GPR82: variants seen among roughly 807,000 people sequenced by gnomAD.
GPR82 encodes probable G protein-coupled receptor 82.
Under a neutral mutation model 12.9 loss-of-function variants are expected in GPR82, and 6 were observed. The observed-to-expected ratio is 0.46, with a 90% CI of 0.25 to 0.92. GPR82 has a LOEUF of 0.92. Among genes scored for constraint, GPR82 ranks in the 40% least tolerant of loss-of-function variants. GPR82 has a pLI of 0.16. For missense variants in GPR82, 241 were observed against 245.5 expected (o/e 0.98, Z 0.12); for synonymous variants, 90 against 87.6 (o/e 1.03, Z -0.15).
At chrX:41,726,953 A>G in intron 2 of GPR82, 40 bp from the exon 3 acceptor site, 1 of 576,419 alleles carries the variant, frequency 1.7e-6, no homozygotes, top group Non-Finnish European at 2.6e-6. Flanking sequence ...TACTGTACCA[A>G]AAATAATTTT....
chrX:41,729,749 CAAAAAAAAAAAAAAAA>C lies in GPR82; in HGVS notation c.*1730_*1745del, dbSNP rs1162361118. 7.1e-5 allele frequency: 1 copy of C among 14,112 alleles called. No homozygotes were observed. Among genetic ancestry groups the C allele is most frequent in the Non-Finnish European group, 1.2e-4 (1 of 8,422 alleles). The allele number at this position is 14,112 out of a possible 1,213,427, so 1.2% of individuals were successfully genotyped here. A position where few individuals can be genotyped will look rare whatever the true frequency, so the allele number is the denominator to read the frequency against. On this transcript the variant is annotated 3_prime_UTR_variant, in exon 3 of 3. Transcript: ENST00000302548. ...TGGGCGACAGAGTGAGACTCTGTCT[CAAAAAAAAAAAAAAAA>C]AAAAAAAAAAAAAAAAATATATATA...
rs779995773 is a variant in GPR82 at position 41,728,778 on chromosome X, A to G, written c.*741A>G. 2.2e-4 allele frequency: 27 copies of G among 123,752 alleles called. No individual in the cohort carries two copies. Among genetic ancestry groups the G allele is most frequent in the African/African-American group, 8.7e-4 (27 of 31,032 alleles). The allele number at this position is 123,752 out of a possible 1,213,427, so 10.2% of individuals were successfully genotyped here. On this transcript the variant is annotated 3_prime_UTR_variant, in exon 3 of 3. Coordinates refer to ENST00000302548, the MANE Select transcript of GPR82 (RefSeq NM_080817.5). Reference sequence around the variant, plus strand: ...CAAAAAAATAAAAATAAGTAAAAAAATAAATAAGAAATATCCTCATTCACA... The same window carrying G: ...CAAAAAAATAAAAATAAGTAAAAAAGTAAATAAGAAATATCCTCATTCACA...
At position 41,726,788 on chromosome X, in the gene GPR82, A is replaced by C. The variant is rs1474065223; in HGVS notation, c.-90A>C. The C allele has an allele frequency of 3.8e-6, 1 of 261,206 alleles. No homozygotes were observed. The highest frequency in any genetic ancestry group is 6.7e-6 in the Non-Finnish European group (1 of 148,912). 21.5% of individuals were successfully genotyped at this position (261,206 alleles called of 1,213,427 possible). A position where few individuals can be genotyped will look rare whatever the true frequency, so the allele number is the denominator to read the frequency against. On this transcript the variant is annotated 5_prime_UTR_variant, in exon 2 of 3. Transcript: ENST00000302548. ...TGTTTTTCAGACAAAGGCATTATCC[A>C]TCACAATAAGTAACTTTTTGTCTTT...
At position 41,728,611 on chromosome X, in the gene GPR82, G is replaced by A. The variant is rs1329939575; in HGVS notation, c.*574G>A. On this transcript the variant is annotated 3_prime_UTR_variant, in exon 3 of 3. Coordinates refer to ENST00000302548, the MANE Select transcript of GPR82 (RefSeq NM_080817.5). ...ATACAAAAATCAGCTGGACATGGTG[G>A]TGGGCGCCTGTAATCCCAGCTACTC... The A allele has an allele frequency of 8.2e-6, 1 of 121,458 alleles. No individual in the cohort carries two copies. Among genetic ancestry groups the A allele is most frequent in the Non-Finnish European group, 1.9e-5 (1 of 53,232 alleles). The allele number at this position is 121,458 out of a possible 1,213,427, so 10.0% of individuals were successfully genotyped here.
Position 41,727,397 on chromosome X carries a change from A to C in GPR82, c.371A>C (p.Lys124Thr). The C allele has an allele frequency of 8.3e-7, 1 of 1,211,270 alleles. No homozygotes were observed. The change falls in exon 3 of 3, where the codon AAG (lysine) becomes ACG (threonine). Residue 124 changes from lysine (K) to threonine (T), a missense_variant. By Grantham distance (78) the Lys-to-Thr change is moderately conservative. Coordinates refer to ENST00000302548, the MANE Select transcript of GPR82 (RefSeq NM_080817.5). The stretch of plus-strand genomic sequence containing the variant: ...AGCCGCTATGCTACCTTAATGCAAA[A>C]GGATTCCTCGCAAGAGACTACTTCA... ...AISRYATLMQ[K>T]DSSQETTSCY...
In GPR82 at chrX:41,727,492, T is replaced by C; in HGVS notation, c.466T>C (p.Cys156Arg). Residue 156 changes from cysteine (C) to arginine (R), a missense_variant, in exon 3 of 3, where the codon TGC (cysteine) becomes CGC (arginine). Transcript: ENST00000302548. ...CCAGCCCAACTTTGCTAGAAAACTATGCATTTACATATGGGGAGTTGTACT... is the reference window on the plus strand; with the variant it reads ...CCAGCCCAACTTTGCTAGAAAACTACGCATTTACATATGGGGAGTTGTACT... ...FRQPNFARKL[C>R]IYIWGVVLGI... The C allele has an allele frequency of 2.3e-5, 28 of 1,209,209 alleles. No individual in the cohort carries two copies. The highest frequency in any genetic ancestry group is 3.1e-5 in the Non-Finnish European group (28 of 893,170).
rs1437282298 is a variant in GPR82, at chrX:41,727,889, T to C, written c.863T>C (p.Ile288Thr). Residue 288 changes from isoleucine (I) to threonine (T), a missense_variant, in exon 3 of 3, where the codon ATA (isoleucine) becomes ACA (threonine). Coordinates refer to ENST00000302548, the MANE Select transcript of GPR82 (RefSeq NM_080817.5). ...RDNCQQLNYL[I>T]ETKNILTCLA... ...AACTGTCAGCAATTGAATTATTTAA[T>C]AGAAACAAAAAACATTCTCACCTGT... is the stretch of plus-strand genomic sequence containing the variant. 3.3e-6 allele frequency: 4 copies of C among 1,204,316 alleles called. No homozygotes were observed. The highest frequency in any genetic ancestry group is 4.5e-6 in the Non-Finnish European group (4 of 890,234).
In GPR82 at chrX:41,727,466, G is replaced by C; in HGVS notation, c.440G>C (p.Arg147Pro). 8.3e-7 allele frequency: 1 copy of C among 1,208,713 alleles called. No individual in the cohort carries two copies. Among genetic ancestry groups the C allele is most frequent in the Non-Finnish European group, 1.1e-6 (1 of 892,901 alleles). Reference sequence around the variant, plus strand: ...TATGGCCATTTACTGAAAAAATTTCGCCAGCCCAACTTTGCTAGAAAACTA... The same window carrying C: ...TATGGCCATTTACTGAAAAAATTTCCCCAGCCCAACTTTGCTAGAAAACTA... ...IFYGHLLKKF[R>P]QPNFARKLCI... is the part of the protein sequence containing the mutation. Residue 147 changes from arginine (R) to proline (P), a missense_variant, in exon 3 of 3, where the codon CGC becomes CCC. Coordinates refer to ENST00000302548, the MANE Select transcript of GPR82 (RefSeq NM_080817.5).
Position 41,729,694 on chromosome X carries a change from G to A in GPR82, c.*1657G>A, listed in dbSNP as rs1171055355. 1.2e-5 allele frequency: 1 copy of A among 86,685 alleles called. No individual in the cohort carries two copies. Among genetic ancestry groups the A allele is most frequent in the Non-Finnish European group, 2.2e-5 (1 of 46,314 alleles). 7.1% of individuals were successfully genotyped at this position (86,685 alleles called of 1,213,427 possible). On this transcript the variant is annotated 3_prime_UTR_variant, in exon 3 of 3. Coordinates refer to ENST00000302548, the MANE Select transcript of GPR82 (RefSeq NM_080817.5). ...GAACTCAGGAGGCGGAGGTTGCAGTGAGCCAAGATCATGCCATTGCACTCC... is the reference window on the plus strand; with the variant it reads ...GAACTCAGGAGGCGGAGGTTGCAGTAAGCCAAGATCATGCCATTGCACTCC...
intron 1 of GPR82, among the ~76,000 whole-genome samples, chrX:41,725,850 G>GT (rs1015376166): frequency 1.1e-4 from 12 of 110,555 alleles, no homozygotes; most frequent in Admixed American, 2.9e-4. Context: ...AGCAGCTACA[G>GT]TTTTTTTTTG....
In GPR82 at chrX:41,729,848, C is replaced by G. The variant is rs190542021; in HGVS notation, c.*1811C>G. On this transcript the variant is annotated 3_prime_UTR_variant, in exon 3 of 3. Coordinates refer to ENST00000302548, the MANE Select transcript of GPR82 (RefSeq NM_080817.5). ...TATGTGCATAGTTAAGTAAATCACC[C>G]CAATTTTTTCTAATATTTAAGTGAA... 1 of 101,309 alleles carries G rather than the reference C, an allele frequency of 9.9e-6. No homozygotes were observed. Among genetic ancestry groups the G allele is most frequent in the East Asian group, 3.7e-4 (1 of 2,688 alleles). The allele number at this position is 101,309 out of a possible 1,213,427, so 8.3% of individuals were successfully genotyped here. A position where few individuals can be genotyped will look rare whatever the true frequency, so the allele number is the denominator to read the frequency against.
chrX:41,724,453 T>C, intron 1 of GPR82, among the ~76,000 whole-genome samples, 164 bp downstream of exon 1: 1 of 112,653 alleles, frequency 8.9e-6, no homozygotes, highest in Non-Finnish European at 1.9e-5. Context: ...TAGAACTTTT[T>C]TCATTTGTCA....
At position 41,727,185 on chromosome X, in the gene GPR82, C is replaced by T. The variant is rs770008035; in HGVS notation, c.159C>T (p.Tyr53=). 1 of 1,205,419 alleles carries T rather than the reference C, an allele frequency of 8.3e-7. No individual in the cohort carries two copies. Among genetic ancestry groups the T allele is most frequent in the Non-Finnish European group, 1.1e-6 (1 of 889,947 alleles). The change falls in exon 3 of 3, where the codon TAC becomes TAT. Residue 53 remains tyrosine (Y), a synonymous_variant. Coordinates refer to ENST00000302548, the MANE Select transcript of GPR82 (RefSeq NM_080817.5). ...GTAAAAAAACATCAACGCACATCTA[C>T]CTGTCACACCTTGTGACTGCAAACT... The part of the protein sequence containing the change: ...KIGKKTSTHI[Y]LSHLVTANLL...
In GPR82 at chrX:41,728,021, T is replaced by C. The variant is rs1236674721; in HGVS notation, c.995T>C (p.Met332Thr). The part of the protein sequence containing the change: ...NLFTKSNSAH[M>T]QSYG ...TTTACAAAGTCTAATTCAGCACATATGCAATCATATGGTTGACTTTTGAAT... is the reference window on the plus strand; with the variant it reads ...TTTACAAAGTCTAATTCAGCACATACGCAATCATATGGTTGACTTTTGAAT... Residue 332 changes from methionine (M) to threonine (T), a missense_variant, in exon 3 of 3, where the codon ATG becomes ACG. By Grantham distance (81) the Met-to-Thr change is moderately conservative. Coordinates refer to ENST00000302548, the MANE Select transcript of GPR82 (RefSeq NM_080817.5). 3 of 1,105,664 alleles carry C rather than the reference T, an allele frequency of 2.7e-6. No individual in the cohort carries two copies. Among genetic ancestry groups the C allele is most frequent in the South Asian group, 2.2e-5 (1 of 45,168 alleles). The allele number at this position is 1,105,664 out of a possible 1,213,427, so 91.1% of individuals were successfully genotyped here. A position where few individuals can be genotyped will look rare whatever the true frequency, so the allele number is the denominator to read the frequency against.
At chrX:41,724,980 A>C (rs1175413531) in intron 1 of GPR82, among the ~76,000 whole-genome samples, 1 of 112,147 alleles carries the variant, frequency 8.9e-6, no homozygotes, top group African/African-American at 3.2e-5. Context: ...AAACTGGCTC[A>C]TTTCACTGTC....
At chrX:41,724,804 A>G (rs1238876606) in intron 1 of GPR82, among the ~76,000 whole-genome samples, 1 of 111,876 alleles carries the variant, frequency 8.9e-6, no homozygotes, top group Non-Finnish European at 1.9e-5. Context: ...GTTTGGAAGC[A>G]TTTAATATTC....
In GPR82 at chrX:41,728,903, A is replaced by G. The variant is rs1475142667; in HGVS notation, c.*866A>G. The G allele has an allele frequency of 8.1e-6, 1 of 123,588 alleles. No individual in the cohort carries two copies. Among genetic ancestry groups the G allele is most frequent in the Non-Finnish European group, 1.9e-5 (1 of 53,341 alleles). 10.2% of individuals were successfully genotyped at this position (123,588 alleles called of 1,213,427 possible). On this transcript the variant is annotated 3_prime_UTR_variant, in exon 3 of 3. Transcript: ENST00000302548. ...CTGGCTCATGTTATTGGGGAGAAGCAATATTCATTGACTATATTTTTAAAG... is the reference window on the plus strand; with the variant it reads ...CTGGCTCATGTTATTGGGGAGAAGCGATATTCATTGACTATATTTTTAAAG...
rs1252758363 is a variant in GPR82, at chrX:41,727,869, T to TCA, written c.844_845dup (p.Gln282HisfsTer4). 8.3e-7 allele frequency: 1 copy of TCA among 1,201,911 alleles called. No homozygotes were observed. The highest frequency in any genetic ancestry group is 3.0e-5 in the East Asian group (1 of 33,792). On this transcript the variant is annotated frameshift_variant, in exon 3 of 3. Coordinates refer to ENST00000302548, the MANE Select transcript of GPR82 (RefSeq NM_080817.5). LOFTEE classifies it high-confidence loss of function. ...ATGTTCTACACCAAAGAGATAACTG[T>TCA]CAGCAATTGAATTATTTAATAGAAA... is the stretch of plus-strand genomic sequence containing the variant.
chrX:41,727,065 C>A lies in GPR82; in HGVS notation c.39C>A (p.Ile13=). 1 of 1,169,727 alleles carries A rather than the reference C, an allele frequency of 8.5e-7. No individual in the cohort carries two copies. The highest frequency in any genetic ancestry group is 1.2e-6 in the Non-Finnish European group (1 of 862,459). ...NNTTCIQPSM[I]SSMALPIIYI... is the part of the protein sequence containing the mutation. ...CAACATGTATTCAACCATCTATGAT[C>A]TCTTCCATGGCTTTACCAATCATTT... is the stretch of plus-strand genomic sequence containing the variant. The change falls in exon 3 of 3, where the codon ATC becomes ATA. Residue 13 remains isoleucine, a synonymous_variant. Transcript: ENST00000302548.
Sources: gnomAD v4.1 joint callset for allele counts (sites outside exome capture counted in the v4.1 genomes callset) on GRCh38, gnomAD v4.1.1 for gene constraint, MANE v1.5 for transcripts, NCBI Gene and HGNC (gene_info 2026-07-23, HGNC 2026-07-21) for gene names.